Variants in UVRAG observed in about 807,000 individuals in gnomAD.
The protein encoded by UVRAG is UV radiation resistance-associated gene protein.
A neutral mutation model predicts 78.0 loss-of-function variants in UVRAG; 19 were observed. That is an observed-to-expected ratio of 0.24 (90% confidence interval 0.17 to 0.36). The LOEUF is 0.36. Ranked by LOEUF, UVRAG falls within the 10% of genes least tolerant of loss-of-function variation. The pLI, the probability that UVRAG is intolerant of heterozygous loss-of-function variation, is 1.00. For synonymous variants in UVRAG, 323 were observed against 324.6 expected, an observed-to-expected ratio of 1.00 and a Z score of 0.05; for missense variants, 740 against 853.8, an observed-to-expected ratio of 0.87 and a Z score of 1.66.
intron 13 of UVRAG, among the ~76,000 whole-genome samples, chr11:76,082,339 G>C (rs1481244619): frequency 6.6e-6 from 1 of 151,878 alleles, no homozygotes; most frequent in Non-Finnish European, 1.5e-5. Flanking sequence ...AGGAGATCGA[G>C]ACCATCCTGG....
Position 76,027,803 on chromosome 11 carries a change from G to T in UVRAG, c.1226+10823G>T, listed in dbSNP as rs561668208. ...GAATATTAAAAATGTAATCCAGTGG[G>T]AAAGTACTGTATTTCCTTTTGTAAT... On this transcript the variant is annotated intron_variant, in intron 12 of 14. Coordinates refer to ENST00000356136, the MANE Select transcript of UVRAG (RefSeq NM_003369.4). Among the ~76,000 whole-genome samples, 12 of 152,218 alleles carry T rather than the reference G, an allele frequency of 7.9e-5. No homozygotes were observed. In the East Asian group the frequency reaches 2.3e-3, roughly 29 times the overall value.
intron 1 of UVRAG, among the ~76,000 whole-genome samples, chr11:75,829,916 T>G (rs1945615837): frequency 6.6e-6 from 1 of 152,250 alleles, no homozygotes; most frequent in Admixed American, 6.5e-5. Flanking sequence ...CTCGGCTCAC[T>G]GCAGCCTCCA....
intron 14 of UVRAG, among the ~76,000 whole-genome samples, chr11:76,121,296 G>A (rs924672663): frequency 2.0e-5 from 3 of 152,182 alleles, no homozygotes; most frequent in Non-Finnish European, 4.4e-5. Context: ...TCCAAAAGGA[G>A]TGCCCATTTT....
chr11:75,963,909 C>T (rs1246957874), intron 7 of UVRAG, among the ~76,000 whole-genome samples: 1 of 152,132 alleles, frequency 6.6e-6, no homozygotes, highest in Non-Finnish European at 1.5e-5. Context: ...GGTCCTCTCA[C>T]CTGAGCCTCC....
At chr11:75,977,822 C>T (rs1949279738) in intron 7 of UVRAG, among the ~76,000 whole-genome samples, 1 of 151,876 alleles carries the variant, frequency 6.6e-6, no homozygotes. Flanking sequence ...TGACTCCATC[C>T]TATTTGCCAG....
chr11:76,006,047 T>C (rs1473539684), intron 9 of UVRAG, among the ~76,000 whole-genome samples: 1 of 152,112 alleles, frequency 6.6e-6, no homozygotes, highest in Admixed American at 6.5e-5. Context: ...CCTTCTAATC[T>C]CTTGGTTTTT....
intron 12 of UVRAG, among the ~76,000 whole-genome samples, chr11:76,056,157 C>T (rs763790605): frequency 1.2e-4 from 18 of 152,294 alleles, no homozygotes; most frequent in Admixed American, 6.5e-4. Flanking sequence ...TTTCCCAGTC[C>T]CCTGCTTAAC....
At chr11:76,046,900 A>C (rs1230971429) in intron 12 of UVRAG, among the ~76,000 whole-genome samples, 1 of 149,692 alleles carries the variant, frequency 6.7e-6, no homozygotes, top group Non-Finnish European at 1.5e-5. Flanking sequence ...ATAAACATGT[A>C]AACTAATGTT....
chr11:75,930,927 T>TTTTCTTTCTCTCTTTC (rs1555089488), intron 6 of UVRAG: 1 of 117,512 alleles, frequency 8.5e-6, no homozygotes, highest in African/African-American at 3.2e-5. Context: ...AGTGTCGGGA[T>TTTTCTTTCTCTCTTTC]TTTCTTTCTT....
chr11:76,048,862 C>T (rs1370868645), intron 12 of UVRAG, among the ~76,000 whole-genome samples: 1 of 152,138 alleles, frequency 6.6e-6, no homozygotes, highest in African/African-American at 2.4e-5. Flanking sequence ...TTTATGCACA[C>T]CATTATTGAA....
intron 7 of UVRAG, among the ~76,000 whole-genome samples, chr11:75,971,836 C>T (rs1949127586): frequency 6.6e-6 from 1 of 152,160 alleles, no homozygotes; most frequent in African/African-American, 2.4e-5. Context: ...CAGGTGTACA[C>T]CACCATGCCC....
chr11:76,126,519 C>T (rs937135851), intron 14 of UVRAG, among the ~76,000 whole-genome samples: 13 of 152,206 alleles, frequency 8.5e-5, no homozygotes. Context: ...ACAGTCCTTA[C>T]AGCTTTTTTG....
At chr11:76,087,901 A>C (rs905671021) in intron 13 of UVRAG, among the ~76,000 whole-genome samples, 5 of 152,146 alleles carry the variant, frequency 3.3e-5, no homozygotes, top group African/African-American at 1.2e-4. Flanking sequence ...TTGAGACAAG[A>C]TCTCACTCTG....
At chr11:75,917,556 A>T (rs930408520) in intron 6 of UVRAG, among the ~76,000 whole-genome samples, 2 of 152,096 alleles carry the variant, frequency 1.3e-5, no homozygotes, top group African/African-American at 4.8e-5. Context: ...TCTTCAATCT[A>T]TATCTCTAGC....
chr11:75,987,212 T>C (rs538253678), intron 8 of UVRAG, among the ~76,000 whole-genome samples: 1 of 152,322 alleles, frequency 6.6e-6, no homozygotes, highest in South Asian at 2.1e-4. Context: ...TTTACATTCC[T>C]ACCAACAATA....
At chr11:76,135,121 T>C (rs915216457) in intron 14 of UVRAG, among the ~76,000 whole-genome samples, 2 of 152,044 alleles carry the variant, frequency 1.3e-5, no homozygotes, top group African/African-American at 4.8e-5. Context: ...CCCAAATCCA[T>C]AGGAAAATTG....
intron 12 of UVRAG, among the ~76,000 whole-genome samples, chr11:76,044,466 A>G (rs1300138077): frequency 6.6e-6 from 1 of 152,232 alleles, no homozygotes; most frequent in African/African-American, 2.4e-5. Context: ...AAATAACAGT[A>G]TACGGATTAA....
intron 1 of UVRAG, among the ~76,000 whole-genome samples, chr11:75,818,221 C>G (rs1362369658): frequency 6.6e-6 from 1 of 151,926 alleles, no homozygotes; most frequent in Non-Finnish European, 1.5e-5. Context: ...TTTGCCTGTT[C>G]TTGAGCTTTA....
chr11:76,001,271 A>C (rs1949809375), intron 8 of UVRAG, among the ~76,000 whole-genome samples: 1 of 152,234 alleles, frequency 6.6e-6, no homozygotes, highest in Non-Finnish European at 1.5e-5. Context: ...AGAAAATTGG[A>C]AAGTATTTTG....
Sources: gnomAD v4.1 joint callset for allele counts (sites outside exome capture counted in the v4.1 genomes callset) on GRCh38, gnomAD v4.1.1 for gene constraint, MANE v1.5 for transcripts, NCBI Gene and HGNC (gene_info 2026-07-23, HGNC 2026-07-21) for gene names.